The following TANC2 variants were observed in gnomAD, a reference collection of about 807,000 sequenced individuals.
TANC2 encodes tetratricopeptide repeat, ankyrin repeat and coiled-coil containing 2.
TANC2 carries 26 observed loss-of-function variants against 210.5 expected under a neutral mutation model. That is an observed-to-expected ratio of 0.12 (90% CI 0.09 to 0.17). The LOEUF is 0.17. TANC2 is among the 10% of genes least tolerant of loss of function. The probability of loss-of-function intolerance (pLI) is 1.00; values close to 1 mark genes in which losing one functional copy is unlikely to be tolerated. For synonymous variants in TANC2, 931 were observed against 967.1 expected (o/e 0.96, Z 0.69); for missense variants, 2,129 against 2,608.9 (o/e 0.82, Z 4.01).
intron 7 of TANC2, among the ~76,000 whole-genome samples, chr17:63,221,292 G>A (rs2042181718): frequency 6.6e-6 from 1 of 151,728 alleles, no homozygotes; most frequent in Non-Finnish European, 1.5e-5. Flanking sequence ...AAATTAGCCA[G>A]GCGTGGTGGT....
At chr17:63,012,809 AC>A (rs1361821853) in intron 2 of TANC2, among the ~76,000 whole-genome samples, 1 of 151,956 alleles carries the variant, frequency 6.6e-6, no homozygotes, top group Non-Finnish European at 1.5e-5. Flanking sequence ...ATACCACCGC[AC>A]CTGGCTAATT....
chr17:63,261,422 T>C (rs2043352512), intron 8 of TANC2, among the ~76,000 whole-genome samples: 1 of 152,138 alleles, frequency 6.6e-6, no homozygotes, highest in African/African-American at 2.4e-5. Context: ...CTCACAAAGC[T>C]GACACTTACA....
At chr17:63,156,191 A>T (rs1464192761) in intron 5 of TANC2, among the ~76,000 whole-genome samples, 1 of 152,084 alleles carries the variant, frequency 6.6e-6, no homozygotes, top group African/African-American at 2.4e-5. Context: ...CTTTTGTTAT[A>T]TTGTGTTTGT....
intron 14 of TANC2, among the ~76,000 whole-genome samples, chr17:63,376,160 GCGGT>G (rs2047417713): frequency 6.6e-6 from 1 of 151,924 alleles, no homozygotes; most frequent in African/African-American, 2.4e-5. Context: ...AGGGCCGGGT[GCGGT>G]GGCTCACACC....
At chr17:63,000,980 A>C (rs1479245006) in intron 1 of TANC2, among the ~76,000 whole-genome samples, 11 of 151,768 alleles carry the variant, frequency 7.2e-5, no homozygotes, top group Admixed American at 6.6e-4. Context: ...AAAAAAAAAA[A>C]AAAAAACCCT....
chr17:63,043,250 T>A (rs975979369), intron 2 of TANC2, among the ~76,000 whole-genome samples: 2 of 152,102 alleles, frequency 1.3e-5, no homozygotes, highest in Non-Finnish European at 2.9e-5. Context: ...AAATATGTTA[T>A]TGCCACTTCT....
At chr17:63,136,674 A>G (rs1217146604) in intron 4 of TANC2, among the ~76,000 whole-genome samples, 1 of 152,224 alleles carries the variant, frequency 6.6e-6, no homozygotes, top group African/African-American at 2.4e-5. Flanking sequence ...GCTTCTTCCT[A>G]CTATGATGAA....
rs546059902 is a variant in TANC2, at chr17:63,282,611, T to C, written c.1159+14738T>C. On this transcript the variant is annotated intron_variant, in intron 9 of 27. Transcript: ENST00000689528. ...TTTAACTTTTTAAGAAACTGCAAAA[T>C]GATATTCAAAGTGGTTGTATCATTT... is the stretch of plus-strand genomic sequence containing the variant. Among the ~76,000 whole-genome samples, 6 of 152,086 alleles carry C rather than the reference T, an allele frequency of 3.9e-5. No homozygotes were observed. The South Asian group carries it at 6.2e-4, about 16-fold the overall frequency.
At chr17:63,310,301 G>A (rs1205468972) in intron 9 of TANC2, among the ~76,000 whole-genome samples, 2 of 152,020 alleles carry the variant, frequency 1.3e-5, no homozygotes, top group Non-Finnish European at 2.9e-5. Flanking sequence ...ACAAAAATTA[G>A]CCTGGTGTCG....
At chr17:62,969,236 A>G (rs1486244233) in intron 1 of TANC2, among the ~76,000 whole-genome samples, 5 of 152,200 alleles carry the variant, frequency 3.3e-5, no homozygotes, top group African/African-American at 4.8e-5. Flanking sequence ...CCTATGAGGT[A>G]TGTGTTGTTA....
Position 63,412,321 on chromosome 17 carries a change from G to T in TANC2, c.3898+191G>T, listed in dbSNP as rs1346494194. Among the ~76,000 whole-genome samples, 1 of 152,152 alleles carries T rather than the reference G, an allele frequency of 6.6e-6. No individual in the cohort carries two copies. Among genetic ancestry groups the T allele is most frequent in the Non-Finnish European group, 1.5e-5 (1 of 68,038 alleles). ...TCTGAGCCATGGTCTGCAGTCCCCT[G>T]TGTCCAGAACCACGTGGTTCTCTAC... is the stretch of plus-strand genomic sequence containing the variant. On this transcript the variant is annotated intron_variant, in intron 23 of 27. Coordinates refer to ENST00000689528, the Ensembl canonical transcript of TANC2. The surrounding 1 kb of genome is among the most constrained non-coding windows in gnomAD (Gnocchi z 4.2).
In TANC2 at chr17:63,330,724, A is replaced by G. The variant is rs28377353; in HGVS notation, c.1576-9377A>G. Among the ~76,000 whole-genome samples the G allele has an allele frequency of 7.3e-3, 1,112 of 152,334 alleles. 15 individuals are homozygous for G. Among genetic ancestry groups the G allele is most frequent in the African/African-American group, 0.026 (1,070 of 41,568 alleles). ...TTTACTCACATAATTTATAGCCACAACAAGAGCCTCTAGCCTCTCTGAATG... is the reference window on the plus strand; with the variant it reads ...TTTACTCACATAATTTATAGCCACAGCAAGAGCCTCTAGCCTCTCTGAATG... On this transcript the variant is annotated intron_variant, in intron 11 of 27. Coordinates refer to ENST00000689528, the Ensembl canonical transcript of TANC2.
intron 4 of TANC2, among the ~76,000 whole-genome samples, chr17:63,141,090 C>T (rs1186021526): frequency 4.6e-5 from 7 of 151,750 alleles, no homozygotes; most frequent in African/African-American, 1.2e-4. Flanking sequence ...TATTTGAAAT[C>T]AAAATATCAG....
intron 12 of TANC2, among the ~76,000 whole-genome samples, chr17:63,348,247 T>G (rs1036415931): frequency 4.6e-5 from 7 of 152,258 alleles, no homozygotes; most frequent in Non-Finnish European, 8.8e-5. Context: ...AGCTACTATC[T>G]CTTCTCTTGC....
chr17:63,021,085 A>G (rs980272506), intron 2 of TANC2, among the ~76,000 whole-genome samples: 3 of 152,168 alleles, frequency 2.0e-5, no homozygotes. Context: ...TTTCAACATG[A>G]GATTTGGAGG....
At chr17:63,116,366 C>T (rs576421647) in intron 4 of TANC2, among the ~76,000 whole-genome samples, 2 of 152,268 alleles carry the variant, frequency 1.3e-5, no homozygotes, top group African/African-American at 4.8e-5. Context: ...CCTGTGATAC[C>T]GTTTGGAAGC....
chr17:63,237,904 C>T, exon 8 of TANC2: 1 of 1,575,560 alleles, frequency 6.3e-7, no homozygotes, highest in Non-Finnish European at 8.6e-7. Flanking sequence ...AACATAAAAC[C>T]TTGGCAGTCT....
At chr17:63,237,905 T>C (rs776841007) in exon 8 of TANC2, 2 of 1,576,190 alleles carry the variant, frequency 1.3e-6, no homozygotes, top group East Asian at 2.3e-5. Flanking sequence ...ACATAAAACC[T>C]TGGCAGTCTC....
chr17:63,280,467 A>T (rs1598763647), intron 9 of TANC2, among the ~76,000 whole-genome samples: 1 of 151,980 alleles, frequency 6.6e-6, no homozygotes, highest in Non-Finnish European at 1.5e-5. Context: ...ATTATTGAGG[A>T]TGTCTGCTAA....
Sources: gnomAD v4.1 joint callset for allele counts (sites outside exome capture counted in the v4.1 genomes callset) on GRCh38, gnomAD v4.1.1 for gene constraint, Gnocchi (gnomAD v3.1) non-coding constraint, MANE v1.5 for transcripts, NCBI Gene and HGNC (gene_info 2026-07-23, HGNC 2026-07-21) for gene names.